The following CHD1L variants were observed in gnomAD, a reference collection of about 807,000 sequenced individuals.
The protein encoded by CHD1L is chromodomain helicase DNA binding protein 1 like, also known as ATP-dependent chromatin remodeler CHD1L.
In CHD1L, 118 loss-of-function variants were observed where a neutral mutation model predicts 115.9. The observed-to-expected ratio is 1.02, with a 90% CI of 0.88 to 1.19. CHD1L has a LOEUF of 1.19. Among genes scored for constraint, CHD1L ranks in the 50% most tolerant of loss-of-function variants. The pLI, the probability that CHD1L is intolerant of heterozygous loss-of-function variation, is 0.00. For synonymous variants in CHD1L, 411 were observed against 387.1 expected, an observed-to-expected ratio of 1.06 and a Z score of -0.72; for missense variants, 1,179 against 1,065.3, an observed-to-expected ratio of 1.11 and a Z score of -1.49.
chr1:147,276,011 G>C, intron 13 of CHD1L, 93 bp from the exon 14 acceptor site: 2 of 1,286,284 alleles, frequency 1.6e-6, no homozygotes, highest in Non-Finnish European at 2.2e-6. Context: ...ATGGTATTTG[G>C]TTTTGTTTGC....
At chr1:147,224,796 C>CA in the CHD1L span, 1 of 1,224,808 alleles carries the variant, frequency 8.2e-7, no homozygotes, top group African/African-American at 1.5e-5. Flanking sequence ...AGGCGTGTGC[C>CA]AACCGCGCCC....
At chr1:147,291,678 A>G in intron 20 of CHD1L, 126 bp downstream of exon 20, 4 of 727,642 alleles carry the variant, frequency 5.5e-6, no homozygotes, top group Non-Finnish European at 9.8e-6. Context: ...TAACAAAAAG[A>G]CACAGACTAG....
the CHD1L span, chr1:147,178,975 A>G: frequency 1.9e-6 from 3 of 1,613,632 alleles, no homozygotes; most frequent in South Asian, 3.3e-5. Context: ...GATGGTGGCA[A>G]AGAAATTCCT....
chr1:147,273,202 G>T (rs1216157777), intron 12 of CHD1L, among the ~76,000 whole-genome samples: 1 of 152,128 alleles, frequency 6.6e-6, no homozygotes, highest in Admixed American at 6.5e-5. Flanking sequence ...AGGTCCTGGA[G>T]CAAGCTGACC....
At chr1:147,193,013 G>C in the CHD1L span, among the ~76,000 whole-genome samples, 5 of 152,140 alleles carry the variant, frequency 3.3e-5, no homozygotes, top group African/African-American at 4.8e-5. Context: ...TCAGGATGAT[G>C]CTGGCCTCAT....
intron 1 of CHD1L, among the ~76,000 whole-genome samples, chr1:147,244,231 G>C (rs781820886): frequency 6.6e-6 from 1 of 152,222 alleles, no homozygotes; most frequent in Non-Finnish European, 1.5e-5. Flanking sequence ...ACGTACATAT[G>C]GGCAAGTGTT....
At chr1:147,202,309 G>GTCTTTTTTTTTTTTTTTTTTTTTTTTTTT in the CHD1L span, among the ~76,000 whole-genome samples, 2 of 118,436 alleles carry the variant, frequency 1.7e-5, 1 homozygote, top group African/African-American at 6.3e-5. Context: ...CTAAAAAGCA[G>GTCTTTTTTTTTTTTTTTTTTTTTTTTTTT]TTCTTTTTTT....
chr1:147,276,064 C>A, intron 13 of CHD1L, 40 bp from the exon 14 acceptor site: 1 of 1,591,396 alleles, frequency 6.3e-7, no homozygotes, highest in Non-Finnish European at 8.6e-7. Context: ...CAGCTTTGCA[C>A]ACCCTTATAG....
the CHD1L span, chr1:147,173,670 C>G: frequency 2.6e-5 from 4 of 152,150 alleles, no homozygotes; most frequent in Non-Finnish European, 5.9e-5. Context: ...TTGCATGTCT[C>G]CTTCTAGAAA....
the CHD1L span, among the ~76,000 whole-genome samples, chr1:147,216,746 C>T: frequency 6.6e-6 from 1 of 152,288 alleles, no homozygotes; most frequent in South Asian, 2.1e-4. Context: ...GCAGCTGGGG[C>T]TTCCCTTGAG....
chr1:147,209,077 T>A, the CHD1L span: 1 of 1,598,828 alleles, frequency 6.3e-7, no homozygotes, highest in Non-Finnish European at 8.6e-7. Context: ...AATTGTTTGC[T>A]TTTGTCACTC....
rs1665123252 is a variant in CHD1L, at chr1:147,242,768, C to T, written c.65C>T (p.Thr22Ile). 1.6e-6 allele frequency: 2 copies of T among 1,269,540 alleles called. No homozygotes were observed. Among genetic ancestry groups the T allele is most frequent in the Non-Finnish European group, 2.0e-6 (2 of 1,000,480 alleles). 78.6% of individuals were successfully genotyped at this position (1,269,540 alleles called of 1,614,324 possible). ...CCTGGCTTCTTACTGCGGCTTCATA[C>T]TGAGGGCCGAGCCGAGGCGGCGCGG... is the stretch of plus-strand genomic sequence containing the variant. ...QAPGFLLRLHTEGRAEAARVQ... is the reference protein window; with the variant it reads ...QAPGFLLRLHIEGRAEAARVQ... Residue 22 changes from threonine to isoleucine, a missense_variant, in exon 1 of 23, where the codon ACT (threonine) becomes ATT (isoleucine). Coordinates refer to ENST00000369258, the MANE Select transcript of CHD1L (RefSeq NM_004284.6).
chr1:147,212,304 C>A, the CHD1L span: 2 of 1,329,924 alleles, frequency 1.5e-6, no homozygotes, highest in South Asian at 1.3e-5. Flanking sequence ...GTGCAGGTAT[C>A]CCTATTCTCT....
chr1:147,288,322 C>CATTAAAAAAAAAAAAAAAAA (rs1452486110), intron 19 of CHD1L, among the ~76,000 whole-genome samples: 1 of 87,912 alleles, frequency 1.1e-5, no homozygotes, highest in Non-Finnish European at 2.1e-5. Flanking sequence ...GACCCTGTTT[C>CATTAAAAAAAAAAAAAAAAA]AATAAAAAAA....
chr1:147,293,835 G>T (rs1686540101), intron 21 of CHD1L, 113 bp downstream of exon 21: 1 of 809,696 alleles, frequency 1.2e-6, no homozygotes, highest in East Asian at 2.6e-5. Context: ...CACGGTAAAG[G>T]CAAACCACAG....
At chr1:147,248,772 C>A (rs1553934963) in intron 1 of CHD1L, among the ~76,000 whole-genome samples, 1 of 152,172 alleles carries the variant, frequency 6.6e-6, no homozygotes, top group Non-Finnish European at 1.5e-5. Flanking sequence ...TATAAAATCA[C>A]AGACTACTGA....
chr1:147,209,149 G>C, the CHD1L span: 2 of 999,708 alleles, frequency 2.0e-6, no homozygotes, highest in Non-Finnish European at 2.9e-6. Context: ...GCCCGGCGCG[G>C]TGGCTCACGC....
chr1:147,292,532 A>T (rs1400113822), intron 20 of CHD1L, among the ~76,000 whole-genome samples: 3 of 152,196 alleles, frequency 2.0e-5, no homozygotes, highest in Admixed American at 2.0e-4. Context: ...CTGTTTTTGC[A>T]CTGTGATAAA....
chr1:147,270,345 T>C (rs955310983), intron 10 of CHD1L, among the ~76,000 whole-genome samples: 11 of 152,188 alleles, frequency 7.2e-5, no homozygotes, highest in African/African-American at 2.4e-4. Context: ...ACAAAAATTT[T>C]CTCGTGTTAT....
Sources: allele counts gnomAD v4.1 joint callset (sites outside exome capture counted in the v4.1 genomes callset), GRCh38; gene constraint gnomAD v4.1.1; transcripts MANE v1.5; gene names NCBI Gene and HGNC (gene_info 2026-07-23, HGNC 2026-07-21).